Variants in P2RY12 observed in about 807,000 individuals in gnomAD.
P2RY12 encodes the protein purinergic receptor P2Y12.
In P2RY12, 3 loss-of-function variants were observed where a neutral mutation model predicts 4.5. The observed-to-expected ratio is 0.67, with a 90% CI of 0.31 to 1.74. The LOEUF is 1.74. Ranked by LOEUF, P2RY12 falls within the 40% of genes most tolerant of loss-of-function variation. P2RY12 has a pLI of 0.09. For synonymous variants in P2RY12, 148 were observed against 154.1 expected (o/e 0.96, Z 0.29); for missense variants, 356 against 407.8 (o/e 0.87, Z 1.09).
intron 2 of P2RY12, among the ~76,000 whole-genome samples, chr3:151,339,817 G>A (rs574551702): frequency 6.6e-6 from 1 of 152,154 alleles, no homozygotes; most frequent in East Asian, 1.9e-4. Context: ...ACTTGAATAT[G>A]CTATATGGCA....
At chr3:151,352,911 G>A (rs1047326655) in intron 1 of P2RY12, among the ~76,000 whole-genome samples, 18 of 152,030 alleles carry the variant, frequency 1.2e-4, no homozygotes, top group South Asian at 2.1e-4. Flanking sequence ...TGTTATAAAA[G>A]CAAATTAACA....
At chr3:151,367,903 T>C in intron 1 of P2RY12, 2 of 1,051,708 alleles carry the variant, frequency 1.9e-6, no homozygotes, top group Non-Finnish European at 1.4e-6. Context: ...GTAGATATGG[T>C]AGAATTTTAA....
chr3:151,383,442 CT>C (rs1283527427), intron 1 of P2RY12, among the ~76,000 whole-genome samples: 8 of 152,208 alleles, frequency 5.3e-5, no homozygotes, highest in African/African-American at 1.9e-4. Context: ...GATTACATGA[CT>C]TTGACATTAT....
Position 151,338,038 on chromosome 3 carries a change from A to C in P2RY12, c.808T>G (p.Cys270Gly). 6.2e-7 allele frequency: 1 copy of C among 1,614,160 alleles called. No individual in the cohort carries two copies. Among genetic ancestry groups the C allele is most frequent in the Non-Finnish European group, 8.5e-7 (1 of 1,179,990 alleles). The change falls in exon 3 of 3, where the codon TGC (cysteine) becomes GGC (glycine). Residue 270 changes from cysteine to glycine, a missense_variant. Physicochemically the swap from Cys to Gly is radical, Grantham distance 159 (BLOSUM62 -3). Transcript: ENST00000302632. Reference sequence around the variant, plus strand: ...TAGAACAGAGTATTTTCAGCAGTGCAGTCAAAGACATCCCGGGTTTGGCTC... The same window carrying C: ...TAGAACAGAGTATTTTCAGCAGTGCCGTCAAAGACATCCCGGGTTTGGCTC... Reference protein sequence around the residue: ...TLSQTRDVFDCTAENTLFYVK... With the variant: ...TLSQTRDVFDGTAENTLFYVK...
chr3:151,384,740 T>C lies in P2RY12; in HGVS notation c.-228A>G. 1 of 309,044 alleles carries C rather than the reference T, an allele frequency of 3.2e-6. No individual in the cohort carries two copies. The highest frequency in any genetic ancestry group is 5.9e-6 in the Non-Finnish European group (1 of 168,884). The allele number at this position is 309,044 out of a possible 1,614,324, so 19.1% of individuals were successfully genotyped here. On this transcript the variant is annotated 5_prime_UTR_variant, in exon 1 of 3. Transcript: ENST00000302632. ...AGAAAGTGTTCTGTTCTGCAGCTCC[T>C]GTCTTCTGATTGTGATCACTACCCT...
intron 1 of P2RY12, chr3:151,382,850 G>A: frequency 2.5e-6 from 2 of 792,704 alleles, no homozygotes; most frequent in East Asian, 5.6e-5. Context: ...TACAAGGTGA[G>A]GCCTTCCACT....
chr3:151,348,297 CCT>C (rs1019675874), intron 1 of P2RY12, among the ~76,000 whole-genome samples: 5 of 150,350 alleles, frequency 3.3e-5, no homozygotes, highest in East Asian at 3.9e-4. Flanking sequence ...TTAGTGCCCC[CCT>C]GTTTCCTTCC....
chr3:151,355,568 A>C (rs1479467014), intron 1 of P2RY12, among the ~76,000 whole-genome samples: 2 of 152,208 alleles, frequency 1.3e-5, no homozygotes, highest in Non-Finnish European at 1.5e-5. Flanking sequence ...ATACTACGAC[A>C]TTGAGAAGAA....
rs565918464 is a variant in P2RY12 at position 151,377,417 on chromosome 3, C to T, written c.-180+7275G>A. Among the ~76,000 whole-genome samples the T allele has an allele frequency of 6.6e-5, 10 of 152,296 alleles. No homozygotes were observed. In the South Asian group the frequency reaches 1.2e-3, roughly 19 times the overall value. On this transcript the variant is annotated intron_variant, in intron 1 of 2. Coordinates refer to ENST00000302632, the MANE Select transcript of P2RY12 (RefSeq NM_022788.5). ...CAGGTGAACTCAGGTTTGGTTCATG[C>T]TTTCAGTGTCCCTTAGTCTACTGTG...
intron 1 of P2RY12, chr3:151,360,686 T>C: frequency 7.6e-7 from 1 of 1,317,282 alleles, no homozygotes; most frequent in Non-Finnish European, 1.1e-6. Flanking sequence ...GTCATCCTTT[T>C]GAATAATGAA....
intron 1 of P2RY12, among the ~76,000 whole-genome samples, chr3:151,343,994 A>G (rs79252289): frequency 1.3e-4 from 20 of 152,280 alleles, no homozygotes; most frequent in African/African-American, 4.3e-4. Flanking sequence ...GTGCATAGTC[A>G]TGTCTGCTAG....
chr3:151,382,428 CTA>C (rs1712546578), intron 1 of P2RY12, among the ~76,000 whole-genome samples: 1 of 152,036 alleles, frequency 6.6e-6, no homozygotes, highest in South Asian at 2.1e-4. Context: ...CATAGGCTAG[CTA>C]TATAATTATA....
chr3:151,350,128 G>C, intron 1 of P2RY12: 1 of 1,613,698 alleles, frequency 6.2e-7, no homozygotes, highest in East Asian at 2.2e-5. Context: ...AGAGCGTGAT[G>C]AAGCAAGGCA....
intron 1 of P2RY12, chr3:151,360,414 A>T: frequency 6.6e-7 from 1 of 1,509,808 alleles, no homozygotes; most frequent in South Asian, 1.3e-5. Flanking sequence ...TAAAAGAGTC[A>T]AATGATAACC....
chr3:151,355,084 A>C, intron 1 of P2RY12: 1 of 1,498,218 alleles, frequency 6.7e-7, no homozygotes, highest in Admixed American at 1.8e-5. Flanking sequence ...AGCTTCTATT[A>C]AATGGAAAAT....
chr3:151,368,684 CATTTT>C lies in P2RY12; in HGVS notation c.-180+16003_-180+16007del, dbSNP rs1173287979. ...CATTTCATTTCATTTCATGTCATTT[CATTTT>C]ATTTCATTTCATTTCATTTCATTTC... On this transcript the variant is annotated intron_variant, in intron 1 of 2. Coordinates refer to ENST00000302632, the MANE Select transcript of P2RY12 (RefSeq NM_022788.5). Among the ~76,000 whole-genome samples, 397 of 41,936 alleles carry C rather than the reference CATTTT, an allele frequency of 9.5e-3. 6 individuals carry two copies. The highest frequency in any genetic ancestry group is 0.03 in the African/African-American group (281 of 9,324). The allele number at this position is 41,936 out of a possible 152,430, so 27.5% of individuals were successfully genotyped here.
intron 1 of P2RY12, chr3:151,383,719 C>A: frequency 4.7e-6 from 5 of 1,054,642 alleles, no homozygotes; most frequent in Non-Finnish European, 7.2e-6. Context: ...TAACATAAAG[C>A]AATGGGGTGT....
intron 1 of P2RY12, among the ~76,000 whole-genome samples, chr3:151,348,319 T>C (rs1232541645): frequency 7.7e-6 from 1 of 130,686 alleles, no homozygotes; most frequent in Non-Finnish European, 1.6e-5. Context: ...CTAGGGTTCA[T>C]ATGTACACAA....
At chr3:151,344,399 T>A (rs1484595647) in intron 1 of P2RY12, among the ~76,000 whole-genome samples, 1 of 152,144 alleles carries the variant, frequency 6.6e-6, no homozygotes, top group African/African-American at 2.4e-5. Flanking sequence ...TTATTCCTGA[T>A]GGAACATTTA....
Sources: allele counts gnomAD v4.1 joint callset (sites outside exome capture counted in the v4.1 genomes callset), GRCh38; gene constraint gnomAD v4.1.1; transcripts MANE v1.5; gene names NCBI Gene and HGNC (gene_info 2026-07-23, HGNC 2026-07-21).